The following GNB1 variants were observed in gnomAD, a reference collection of about 807,000 sequenced individuals.
GNB1 encodes guanine nucleotide-binding protein G(I)/G(S)/G(T) subunit beta-1.
GNB1 carries 2 observed loss-of-function variants against 42.9 expected under a neutral mutation model. That is an observed-to-expected ratio of 0.05 (90% CI 0.02 to 0.15). The LOEUF is 0.15. Ranked by LOEUF, GNB1 falls within the 10% of genes least tolerant of loss-of-function variation. The pLI, the probability that GNB1 is intolerant of heterozygous loss-of-function variation, is 1.00. For synonymous variants in GNB1, 183 were observed against 174.7 expected, an observed-to-expected ratio of 1.05 and a Z score of -0.38; for missense variants, 193 against 462.2, an observed-to-expected ratio of 0.42 and a Z score of 5.34.
intron 2 of GNB1, among the ~76,000 whole-genome samples, chr1:1,836,857 T>TG (rs1491256414): frequency 2.2e-5 from 1 of 44,752 alleles, no homozygotes; most frequent in African/African-American, 9.3e-5. Context: ...GACTGCTAAC[T>TG]TTTTTTTTTT....
At chr1:1,850,629 G>C (rs1232910416) in intron 1 of GNB1, among the ~76,000 whole-genome samples, 1 of 151,696 alleles carries the variant, frequency 6.6e-6, no homozygotes, top group African/African-American at 2.4e-5. Flanking sequence ...TGAAATTCTC[G>C]ATCTTTTCAC....
intron 1 of GNB1, among the ~76,000 whole-genome samples, chr1:1,849,782 T>G (rs1385542307): frequency 6.6e-6 from 1 of 152,140 alleles, no homozygotes; most frequent in Non-Finnish European, 1.5e-5. Flanking sequence ...GCCTAGGTGT[T>G]GAGGGTTTTT....
At chr1:1,871,027 CTTCT>C (rs1274329073) in intron 1 of GNB1, among the ~76,000 whole-genome samples, 1 of 152,128 alleles carries the variant, frequency 6.6e-6, no homozygotes, top group Non-Finnish European at 1.5e-5. Flanking sequence ...CTAGAGCAAC[CTTCT>C]TTAAGTCGTA....
chr1:1,848,401 AAAG>A (rs1489132632), intron 1 of GNB1, among the ~76,000 whole-genome samples: 2 of 151,784 alleles, frequency 1.3e-5, no homozygotes, highest in Non-Finnish European at 2.9e-5. Flanking sequence ...AACGAAAAAG[AAAG>A]AAGTCAGAAA....
At chr1:1,844,346 GCATCACTGCA>G (rs1647500952) in intron 1 of GNB1, among the ~76,000 whole-genome samples, 1 of 150,694 alleles carries the variant, frequency 6.6e-6, no homozygotes, top group East Asian at 1.9e-4. Context: ...AGCCAAGATT[GCATCACTGCA>G]CTCCAGCCTC....
intron 1 of GNB1, among the ~76,000 whole-genome samples, chr1:1,856,193 T>C (rs1027820870): frequency 2.0e-5 from 3 of 152,226 alleles, no homozygotes; most frequent in Non-Finnish European, 4.4e-5. Context: ...GGCTAACTTT[T>C]ATATTTTCAG....
intron 1 of GNB1, among the ~76,000 whole-genome samples, chr1:1,852,330 A>G (rs1188344900): frequency 6.6e-6 from 1 of 151,704 alleles, no homozygotes; most frequent in African/African-American, 2.4e-5. Context: ...CCGGGTTCAC[A>G]CCATTCTCCT....
intron 1 of GNB1, among the ~76,000 whole-genome samples, chr1:1,864,923 T>C (rs1250871414): frequency 1.3e-5 from 2 of 152,208 alleles, no homozygotes; most frequent in East Asian, 3.8e-4. Flanking sequence ...CTGATTGCCT[T>C]GTACAGAGTT....
chr1:1,793,419 G>C (rs565842665), intron 7 of GNB1, 108 bp from the exon 8 acceptor site: 1 of 680,252 alleles, frequency 1.5e-6, no homozygotes, highest in East Asian at 2.7e-5. Context: ...TCTAAGGTAA[G>C]ACCAGCACCA....
intron 3 of GNB1, chr1:1,818,088 C>A (rs1022847099): frequency 6.4e-6 from 3 of 466,950 alleles, no homozygotes; most frequent in Non-Finnish European, 8.1e-6. Flanking sequence ...ACCAGTAGTA[C>A]CCAAATCTGT....
intron 1 of GNB1, among the ~76,000 whole-genome samples, chr1:1,888,527 C>T (rs999151434): frequency 6.6e-6 from 1 of 152,176 alleles, no homozygotes. Flanking sequence ...TTCTGCGCAG[C>T]TCTAATCGTT....
At position 1,850,739 on chromosome 1, in the gene GNB1, G is replaced by C. The variant is rs150549136; in HGVS notation, c.-95-11501C>G. Among the ~76,000 whole-genome samples the C allele has an allele frequency of 2.0e-4, 30 of 152,150 alleles. No individual in the cohort carries two copies. In the East Asian group the frequency reaches 4.8e-3, roughly 24 times the overall value. ...GTTCCAATATCTGGGTCATCTCTAA[G>C]TTGGCTTCCATTTATTTCTCTCTTA... On this transcript the variant is annotated intron_variant, in intron 1 of 11. Transcript: ENST00000378609.
chr1:1,883,291 A>G (rs909046787), intron 1 of GNB1, among the ~76,000 whole-genome samples: 5 of 151,780 alleles, frequency 3.3e-5, no homozygotes, highest in Non-Finnish European at 7.4e-5. Flanking sequence ...AAAAAAAAAA[A>G]AAAGAAAAAG....
In GNB1 at chr1:1,815,841, C is replaced by G; in HGVS notation, c.118G>C (p.Val40Leu). 3 of 1,603,952 alleles carry G rather than the reference C, an allele frequency of 1.9e-6. No individual in the cohort carries two copies. Among genetic ancestry groups the G allele is most frequent in the Non-Finnish European group, 2.6e-6 (3 of 1,170,658 alleles). ...LSQITNNIDP[V>L]GRIQMRTRRT... is the part of the protein sequence containing the mutation. ...CTCGTGCGCATTTGGATTCTTCCCA[C>G]TGGGTCGATGTTGTTTGTGATCTTG... The change falls in exon 5 of 12, where the codon GTG becomes CTG. Residue 40 changes from valine (V) to leucine (L), a missense_variant. By Grantham distance (32) the Val-to-Leu change is conservative. This residue lies in a region of GNB1 where 43 missense variants were observed against 51.5 expected (regional missense o/e 0.84). Coordinates refer to ENST00000378609, the MANE Select transcript of GNB1 (RefSeq NM_002074.5).
At chr1:1,825,641 G>C (rs1451232995) in intron 2 of GNB1, 142 bp from the exon 3 acceptor site, 7 of 552,868 alleles carry the variant, frequency 1.3e-5, no homozygotes, top group Non-Finnish European at 2.3e-5. Flanking sequence ...GAGGCGGGCA[G>C]ATCACGAGGT....
chr1:1,805,785 A>G (rs1350858947), intron 6 of GNB1, among the ~76,000 whole-genome samples: 1 of 152,000 alleles, frequency 6.6e-6, no homozygotes, highest in Non-Finnish European at 1.5e-5. Context: ...CAGGTGATCC[A>G]CCTGCTTCAG....
intron 1 of GNB1, among the ~76,000 whole-genome samples, chr1:1,852,298 G>A (rs372585111): frequency 3.3e-5 from 5 of 151,720 alleles, no homozygotes; most frequent in African/African-American, 1.2e-4. Context: ...GCGCCATCTC[G>A]GCTCACTGCA....
At chr1:1,874,988 G>C (rs1461087237) in intron 1 of GNB1, among the ~76,000 whole-genome samples, 2 of 152,102 alleles carry the variant, frequency 1.3e-5, no homozygotes, top group African/African-American at 4.8e-5. Flanking sequence ...CTCATAAGGA[G>C]TGCACAGCCT....
chr1:1,877,326 T>C (rs950274085), intron 1 of GNB1, among the ~76,000 whole-genome samples: 1 of 147,436 alleles, frequency 6.8e-6, no homozygotes, highest in Non-Finnish European at 1.5e-5. Flanking sequence ...AATATATATA[T>C]ATATACACAC....
Sources: gnomAD v4.1 joint callset for allele counts (sites outside exome capture counted in the v4.1 genomes callset) on GRCh38, gnomAD v4.1.1 for gene constraint, gnomAD v4.1.1 regional missense constraint, MANE v1.5 for transcripts, NCBI Gene and HGNC (gene_info 2026-07-23, HGNC 2026-07-21) for gene names.